CEP85L: variants seen among roughly 807,000 people sequenced by gnomAD.
The protein encoded by CEP85L is centrosomal protein of 85 kDa-like.
In CEP85L, 60 loss-of-function variants were observed where a neutral mutation model predicts 100.3. That is an observed-to-expected ratio of 0.60 (90% CI 0.49 to 0.74). CEP85L has a LOEUF of 0.74. Ranked by LOEUF, CEP85L falls within the 30% of genes least tolerant of loss-of-function variation. The pLI is 0.00. For missense variants in CEP85L, 973 were observed against 936.2 expected, an observed-to-expected ratio of 1.04 and a Z score of -0.51; for synonymous variants, 319 against 322.7, an observed-to-expected ratio of 0.99 and a Z score of 0.12.
intron 10 of CEP85L, among the ~76,000 whole-genome samples, chr6:118,471,221 A>G (rs572125013): frequency 6.6e-6 from 1 of 152,192 alleles, no homozygotes. Flanking sequence ...TAAAATTGCA[A>G]ATTACCTAGA....
At chr6:118,538,430 T>A (rs1185025882) in intron 3 of CEP85L, among the ~76,000 whole-genome samples, 1 of 151,958 alleles carries the variant, frequency 6.6e-6, no homozygotes, top group Admixed American at 6.6e-5. Context: ...ATCTTAAGAA[T>A]GCATATGCAT....
chr6:118,520,176 A>G (rs571476432), intron 4 of CEP85L, among the ~76,000 whole-genome samples: 40 of 152,340 alleles, frequency 2.6e-4, no homozygotes, highest in African/African-American at 9.6e-4. Flanking sequence ...CACTGCTTCT[A>G]TTCATCACTG....
chr6:118,545,619 G>A (rs961465407), intron 3 of CEP85L, among the ~76,000 whole-genome samples: 2 of 152,066 alleles, frequency 1.3e-5, no homozygotes, highest in Admixed American at 1.3e-4. Flanking sequence ...TACTTTTGAG[G>A]AACACATTTA....
chr6:118,684,599 T>C (rs1025058461), intron 1 of CEP85L, among the ~76,000 whole-genome samples: 5 of 152,230 alleles, frequency 3.3e-5, no homozygotes, highest in Non-Finnish European at 7.3e-5. Flanking sequence ...ATTAGTGACC[T>C]GCAGGAAATG....
At chr6:118,483,137 G>A (rs908210124) in intron 7 of CEP85L, among the ~76,000 whole-genome samples, 2 of 152,014 alleles carry the variant, frequency 1.3e-5, no homozygotes, top group African/African-American at 2.4e-5. Context: ...ACAACTTTGG[G>A]AAGAGACTGA....
At chr6:118,659,217 A>T (rs1775892198) in intron 1 of CEP85L, among the ~76,000 whole-genome samples, 1 of 152,234 alleles carries the variant, frequency 6.6e-6, no homozygotes, top group African/African-American at 2.4e-5. Flanking sequence ...CACACGGAAT[A>T]TGAGATGAAT....
intron 2 of CEP85L, among the ~76,000 whole-genome samples, chr6:118,592,029 A>C (rs1385737784): frequency 6.6e-6 from 1 of 152,200 alleles, no homozygotes; most frequent in African/African-American, 2.4e-5. Context: ...TCTTTGTATA[A>C]CCTCTGACCT....
At chr6:118,706,053 G>A (rs1022510745) in intron 1 of CEP85L, among the ~76,000 whole-genome samples, 8 of 152,146 alleles carry the variant, frequency 5.3e-5, no homozygotes, top group Admixed American at 1.3e-4. Context: ...TATCACGGCC[G>A]TCTATGTAGG....
intron 3 of CEP85L, among the ~76,000 whole-genome samples, chr6:118,529,476 T>G (rs1040503728): frequency 2.6e-5 from 4 of 151,860 alleles, no homozygotes; most frequent in African/African-American, 7.2e-5. Context: ...TGCATGGTGG[T>G]GGGCATCTGT....
Position 118,463,821 on chromosome 6 carries a change from G to A in CEP85L, c.*1584C>T, listed in dbSNP as rs1408097512. ...AAAATAATCTATTGAGAGCTGTATA[G>A]CCAACATTTTAAACTGTGTATCTTC... On this transcript the variant is annotated 3_prime_UTR_variant, in exon 13 of 13. Coordinates refer to ENST00000368491, the MANE Select transcript of CEP85L (RefSeq NM_001042475.3). 4 of 152,044 alleles carry A rather than the reference G, an allele frequency of 2.6e-5. No individual in the cohort carries two copies. Among genetic ancestry groups the A allele is most frequent in the African/African-American group, 7.2e-5 (3 of 41,440 alleles). 9.4% of individuals were successfully genotyped at this position (152,044 alleles called of 1,614,324 possible).
intron 1 of CEP85L, among the ~76,000 whole-genome samples, chr6:118,683,420 G>T (rs1776731529): frequency 6.6e-6 from 1 of 152,134 alleles, no homozygotes; most frequent in Non-Finnish European, 1.5e-5. Flanking sequence ...TATTCTTTTT[G>T]CTTTTTATTG....
rs192934063 is a variant in CEP85L at position 118,647,786 on chromosome 6, T to G, written c.73+3411A>C. Among the ~76,000 whole-genome samples the G allele has an allele frequency of 2.6e-4, 40 of 152,328 alleles. 1 individual carries two copies. The highest frequency in any genetic ancestry group is 8.5e-4 in the Admixed American group (13 of 15,298). On this transcript the variant is annotated intron_variant, in intron 1 of 12. Transcript: ENST00000368491. The stretch of plus-strand genomic sequence containing the variant: ...CAAAAGCCTACGGGAAATATGTCTA[T>G]CCTTCATCCAACTTGAAACCAGTAT...
At chr6:118,685,887 G>A (rs1776812847) in intron 1 of CEP85L, among the ~76,000 whole-genome samples, 1 of 152,218 alleles carries the variant, frequency 6.6e-6, no homozygotes, top group Non-Finnish European at 1.5e-5. Flanking sequence ...ACGAAAAAGT[G>A]CACGGGTTAA....
intron 5 of CEP85L, chr6:118,502,836 T>C: frequency 1.6e-6 from 1 of 624,358 alleles, no homozygotes; most frequent in Non-Finnish European, 3.0e-6. Flanking sequence ...GCAATGGGGA[T>C]TTCCATTCCT....
intron 1 of CEP85L, among the ~76,000 whole-genome samples, chr6:118,691,323 G>A (rs1277914269): frequency 6.6e-6 from 1 of 151,494 alleles, no homozygotes; most frequent in African/African-American, 2.4e-5. Context: ...ACCTGAGGTT[G>A]GGAGTTCAAG....
intron 1 of CEP85L, among the ~76,000 whole-genome samples, chr6:118,681,326 T>C (rs947077828): frequency 2.6e-5 from 4 of 152,176 alleles, no homozygotes; most frequent in African/African-American, 9.7e-5. Flanking sequence ...CTGGCTCATA[T>C]ATAGAATCAT....
chr6:118,592,539 T>C (rs2115128705), intron 2 of CEP85L, among the ~76,000 whole-genome samples: 1 of 152,280 alleles, frequency 6.6e-6, no homozygotes, highest in South Asian at 2.1e-4. Flanking sequence ...ATATCCATTA[T>C]CAGAGTCCTG....
chr6:118,484,771 CGT>C (rs150969193), intron 6 of CEP85L, among the ~76,000 whole-genome samples: 107,495 of 151,754 alleles, frequency 0.71, 38,783 homozygotes, highest in African/African-American at 0.75. Flanking sequence ...TATTTTGTTA[CGT>C]TAACAGACTT....
At chr6:118,682,918 GTCTT>G (rs1384320163) in intron 1 of CEP85L, among the ~76,000 whole-genome samples, 1 of 152,112 alleles carries the variant, frequency 6.6e-6, no homozygotes, top group Non-Finnish European at 1.5e-5. Flanking sequence ...AGAAGTTTAT[GTCTT>G]TCTTGAAGTT....
Sources: gnomAD v4.1 joint callset for allele counts (sites outside exome capture counted in the v4.1 genomes callset) on GRCh38, gnomAD v4.1.1 for gene constraint, MANE v1.5 for transcripts, NCBI Gene and HGNC (gene_info 2026-07-23, HGNC 2026-07-21) for gene names.